PIK3CB: variants seen among roughly 807,000 people sequenced by gnomAD.
The protein encoded by PIK3CB is phosphatidylinositol-4,5-bisphosphate 3-kinase catalytic subunit beta, also known as phosphatidylinositol 4,5-bisphosphate 3-kinase catalytic subunit beta isoform.
A neutral mutation model predicts 136.8 loss-of-function variants in PIK3CB; 39 were observed. The ratio of observed to expected loss-of-function variants is 0.29; its 90% CI spans 0.22 to 0.37. The LOEUF is 0.37. Ranked by LOEUF, PIK3CB falls within the 10% of genes least tolerant of loss-of-function variation. The pLI, the probability that PIK3CB is intolerant of heterozygous loss-of-function variation, is 1.00. For synonymous variants in PIK3CB, 428 were observed against 436.6 expected (o/e 0.98, Z 0.25); for missense variants, 868 against 1,275.4 (o/e 0.68, Z 4.87).
intron 1 of PIK3CB, among the ~76,000 whole-genome samples, chr3:138,822,408 A>T (rs1218989550): frequency 6.6e-6 from 1 of 151,514 alleles, no homozygotes; most frequent in Non-Finnish European, 1.5e-5. Context: ...TTAGCCGGGC[A>T]TGGTGGCATG....
chr3:138,738,195 A>C (rs905677094), intron 5 of PIK3CB, among the ~76,000 whole-genome samples: 1 of 151,628 alleles, frequency 6.6e-6, no homozygotes, highest in African/African-American at 2.4e-5. Flanking sequence ...TTTTTGAGAC[A>C]GAGTCTCACA....
intron 1 of PIK3CB, 73 bp from the exon 2 acceptor site, chr3:138,796,640 T>C (rs2046112380): frequency 6.6e-6 from 1 of 152,180 alleles, no homozygotes; most frequent in Non-Finnish European, 1.5e-5. Context: ...TTATTACTTA[T>C]ATATGTAATC....
intron 2 of PIK3CB, among the ~76,000 whole-genome samples, chr3:138,788,656 CAAAAAAAAAAAAA>C (rs71146142): frequency 0.012 from 468 of 37,742 alleles, 16 homozygotes; most frequent in African/African-American, 0.053. Context: ...GACTTTGTCT[CAAAAAAAAAAAAA>C]AAAAAAAAAA....
chr3:138,758,941 G>A (rs1393495972), intron 3 of PIK3CB, among the ~76,000 whole-genome samples: 1 of 152,112 alleles, frequency 6.6e-6, no homozygotes, highest in African/African-American at 2.4e-5. Flanking sequence ...AGTGTGACAA[G>A]CTCAAAGACA....
chr3:138,826,888 G>A (rs1041007659), intron 1 of PIK3CB, among the ~76,000 whole-genome samples: 2 of 151,926 alleles, frequency 1.3e-5, no homozygotes, highest in Non-Finnish European at 2.9e-5. Flanking sequence ...GACTAACATG[G>A]TAAAAACCCC....
intron 1 of PIK3CB, among the ~76,000 whole-genome samples, chr3:138,824,463 G>A (rs1559893022): frequency 6.6e-6 from 1 of 152,118 alleles, no homozygotes; most frequent in Non-Finnish European, 1.5e-5. Context: ...GTCAACCTCA[G>A]GTGATCTGCT....
intron 11 of PIK3CB, among the ~76,000 whole-genome samples, chr3:138,706,124 G>A (rs1427696589): frequency 6.6e-6 from 1 of 152,176 alleles, no homozygotes; most frequent in African/African-American, 2.4e-5. Flanking sequence ...GCTCTCACTT[G>A]TAATCCCAGT....
intron 1 of PIK3CB, among the ~76,000 whole-genome samples, chr3:138,806,528 C>T (rs560110866): frequency 1.3e-5 from 2 of 152,004 alleles, no homozygotes; most frequent in East Asian, 1.9e-4. Flanking sequence ...CACATGATAA[C>T]TAAACATGCT....
chr3:138,681,982 G>A lies in PIK3CB; in HGVS notation c.2489C>T (p.Ala830Val), dbSNP rs750375278. Reference sequence around the variant, plus strand: ...TAGATCTCACCGAAGATCCAAACCAGCTTCTTTCCAGAGTAAATCCATCAA... The same window carrying A: ...TAGATCTCACCGAAGATCCAAACCAACTTCTTTCCAGAGTAAATCCATCAA... ...LRLMDLLWKE[A>V]GLDLRMLPYG... The change falls in exon 19 of 24, where the codon GCT becomes GTT. Residue 830 changes from alanine to valine, a missense_variant. By Grantham distance (64) the Ala-to-Val change is moderately conservative (BLOSUM62 0). Around this residue, in one of 4 missense-constraint regions of PIK3CB, gnomAD observed 165 missense variants for 295.4 expected, o/e 0.56. Transcript: ENST00000674063. The A allele has an allele frequency of 6.2e-6, 10 of 1,603,258 alleles. No homozygotes were observed. The Admixed American group carries it at 1.7e-4, about 27-fold the overall frequency.
At chr3:138,681,142 G>T (rs1160738903) in intron 19 of PIK3CB, among the ~76,000 whole-genome samples, 3 of 151,046 alleles carry the variant, frequency 2.0e-5, no homozygotes, top group African/African-American at 7.3e-5. Flanking sequence ...CACTTCCCGG[G>T]TTTAAGCGAT....
At chr3:138,784,690 C>A (rs1238006613) in intron 2 of PIK3CB, among the ~76,000 whole-genome samples, 2 of 152,208 alleles carry the variant, frequency 1.3e-5, no homozygotes. Flanking sequence ...ATGGGCCTCC[C>A]GAGGTGCTGG....
At chr3:138,815,356 C>CAA (rs56785236) in intron 1 of PIK3CB, among the ~76,000 whole-genome samples, 1 of 26,472 alleles carries the variant, frequency 3.8e-5, no homozygotes, top group African/African-American at 1.5e-4. Context: ...CATCCTGTCT[C>CAA]AAAAAAAAAA....
At chr3:138,684,603 T>C in intron 17 of PIK3CB, 22 bp downstream of exon 17, 11 of 1,556,318 alleles carry the variant, frequency 7.1e-6, no homozygotes, top group Non-Finnish European at 7.8e-6. Context: ...GGAGATTCAC[T>C]GCGCAAAGCA....
chr3:138,825,814 T>G, intron 1 of PIK3CB: 1 of 1,023,962 alleles, frequency 9.8e-7, no homozygotes, highest in Non-Finnish European at 1.5e-6. Flanking sequence ...TGAAGCAGTC[T>G]GTTGAAATGC....
chr3:138,768,913 G>A (rs2045766990), intron 2 of PIK3CB, among the ~76,000 whole-genome samples: 1 of 152,212 alleles, frequency 6.6e-6, no homozygotes, highest in South Asian at 2.1e-4. Context: ...GGGCAGAGTG[G>A]GCCTTCTTGG....
chr3:138,692,626 T>C (rs907738790), intron 14 of PIK3CB, among the ~76,000 whole-genome samples: 1 of 152,248 alleles, frequency 6.6e-6, no homozygotes, highest in African/African-American at 2.4e-5. Flanking sequence ...TCTCTCACAT[T>C]TCTAATTTCA....
chr3:138,707,606 C>A, intron 10 of PIK3CB: 2 of 1,059,748 alleles, frequency 1.9e-6, no homozygotes, highest in Admixed American at 5.4e-5. Flanking sequence ...AATTAGGTGG[C>A]CCATAGAAAC....
chr3:138,810,591 C>G (rs1343058614), intron 1 of PIK3CB, among the ~76,000 whole-genome samples: 1 of 151,478 alleles, frequency 6.6e-6, no homozygotes, highest in Admixed American at 6.6e-5. Context: ...AACAACTGAC[C>G]AGTATTCCTC....
At chr3:138,821,226 G>A (rs1215296021) in intron 1 of PIK3CB, among the ~76,000 whole-genome samples, 1 of 151,416 alleles carries the variant, frequency 6.6e-6, no homozygotes, top group African/African-American at 2.4e-5. Flanking sequence ...GGAAGTTGCA[G>A]TGTGCCGAGA....
Sources: allele counts gnomAD v4.1 joint callset (sites outside exome capture counted in the v4.1 genomes callset), GRCh38; gene constraint gnomAD v4.1.1; regional missense constraint gnomAD v4.1.1; transcripts MANE v1.5; gene names NCBI Gene and HGNC (gene_info 2026-07-23, HGNC 2026-07-21).